The following COL23A1 variants were observed in gnomAD, a reference collection of about 807,000 sequenced individuals.
The protein encoded by COL23A1 is collagen type XXIII alpha 1 chain.
A neutral mutation model predicts 99.3 loss-of-function variants in COL23A1; 97 were observed. The ratio of observed to expected loss-of-function variants is 0.98; its 90% CI spans 0.83 to 1.16. COL23A1 has a LOEUF of 1.16. Ranked by LOEUF, COL23A1 falls within the 50% of genes most tolerant of loss-of-function variation. The pLI is 0.00. For synonymous variants in COL23A1, 320 were observed against 308.2 expected (o/e 1.04, Z -0.40); for missense variants, 762 against 757.4 (o/e 1.01, Z -0.07).
chr5:178,357,998 GTA>G (rs772040709), intron 2 of COL23A1, among the ~76,000 whole-genome samples: 1 of 146,490 alleles, frequency 6.8e-6, no homozygotes, highest in Non-Finnish European at 1.5e-5. Context: ...ATGCGTGTGT[GTA>G]TATGTATGTG....
rs184342359 is a variant in COL23A1 at position 178,485,844 on chromosome 5, A to T, written c.361+74838T>A. ...TAAGCTGAGTACAGAGTAAAACTTG[A>T]CATTAAGAAGAAAATCTGCCCCAGC... is the stretch of plus-strand genomic sequence containing the variant. On this transcript the variant is annotated intron_variant, in intron 2 of 28. Transcript: ENST00000390654. Among the ~76,000 whole-genome samples the T allele has an allele frequency of 7.9e-5, 12 of 151,110 alleles. No individual in the cohort carries two copies. The East Asian group carries it at 2.3e-3, about 29-fold the overall frequency.
intron 2 of COL23A1, among the ~76,000 whole-genome samples, chr5:178,447,084 C>A (rs1256248660): frequency 6.7e-6 from 1 of 148,572 alleles, no homozygotes; most frequent in African/African-American, 2.6e-5. Context: ...TACCTTTATT[C>A]TTTTTTTATT....
chr5:178,486,513 C>T (rs1757638372), intron 2 of COL23A1, among the ~76,000 whole-genome samples: 2 of 151,644 alleles, frequency 1.3e-5, no homozygotes, highest in Admixed American at 6.6e-5. Flanking sequence ...GGTTACTACG[C>T]TCAACGAGAA....
chr5:178,257,440 G>A (rs1765368451), intron 13 of COL23A1, 83 bp downstream of exon 13: 1 of 1,483,642 alleles, frequency 6.7e-7, no homozygotes. Flanking sequence ...GGTGCCAAAG[G>A]TCCAGGGTAG....
In COL23A1 at chr5:178,468,685, T is replaced by C. The variant is rs1025510749; in HGVS notation, c.361+91997A>G. 1.3e-5 allele frequency among the ~76,000 whole-genome samples: 2 copies of C among 152,196 alleles called. No homozygotes were observed. Among genetic ancestry groups the C allele is most frequent in the Non-Finnish European group, 2.9e-5 (2 of 68,034 alleles). Reference sequence around the variant, plus strand: ...CCTGCAGCTCTCCTCAACTGTGTTCTGGGGCACAGGACCCCACATTTAATT... The same window carrying C: ...CCTGCAGCTCTCCTCAACTGTGTTCCGGGGCACAGGACCCCACATTTAATT... On this transcript the variant is annotated intron_variant, in intron 2 of 28. Transcript: ENST00000390654. The surrounding 1 kb of genome is among the most constrained non-coding windows in gnomAD (Gnocchi z 4.2).
In COL23A1 at chr5:178,585,509, A is replaced by G. The variant is rs1251827215; in HGVS notation, c.294+4395T>C. ...CAGCCCTGGATGACGCTGGAGTAAC[A>G]CTCCACGTCCCTGGATGACGCTGGA... On this transcript the variant is annotated intron_variant, in intron 1 of 28. Coordinates refer to ENST00000390654, the MANE Select transcript of COL23A1 (RefSeq NM_173465.4). 3.1e-3 allele frequency among the ~76,000 whole-genome samples: 323 copies of G among 104,696 alleles called. 9 individuals carry two copies. Among genetic ancestry groups the G allele is most frequent in the Middle Eastern group, 0.023 (5 of 222 alleles). 68.7% of individuals were successfully genotyped at this position (104,696 alleles called of 152,430 possible).
chr5:178,359,753 AG>A (rs1422581318), intron 2 of COL23A1, among the ~76,000 whole-genome samples: 1 of 152,224 alleles, frequency 6.6e-6, no homozygotes, highest in Non-Finnish European at 1.5e-5. Context: ...CCAAGCTGGG[AG>A]GGGGCCCAGG....
At chr5:178,584,311 CACA>C (rs1243244637) in intron 1 of COL23A1, among the ~76,000 whole-genome samples, 15 of 108,058 alleles carry the variant, frequency 1.4e-4, no homozygotes, top group African/African-American at 6.4e-4. Context: ...CACCTGGCCA[CACA>C]CACACACACA....
chr5:178,333,697 G>T (rs1456590232), intron 2 of COL23A1, among the ~76,000 whole-genome samples: 1 of 152,130 alleles, frequency 6.6e-6, no homozygotes, highest in Non-Finnish European at 1.5e-5. Context: ...CCCCCAGGCC[G>T]GGCCTGGGAG....
chr5:178,578,641 T>G (rs551877938), intron 1 of COL23A1, among the ~76,000 whole-genome samples: 68 of 152,232 alleles, frequency 4.5e-4, no homozygotes, highest in Middle Eastern at 3.4e-3. Context: ...CATTACCCAT[T>G]TGCAAGCACC....
chr5:178,291,977 G>A (rs1217804368), intron 3 of COL23A1, among the ~76,000 whole-genome samples: 1 of 152,134 alleles, frequency 6.6e-6, no homozygotes, highest in Non-Finnish European at 1.5e-5. Flanking sequence ...CTCACTGTCA[G>A]CCAATGACCT....
chr5:178,498,255 T>TATATATATAAAA (rs1340447435), intron 2 of COL23A1, among the ~76,000 whole-genome samples: 1 of 70,936 alleles, frequency 1.4e-5, no homozygotes, highest in Middle Eastern at 8.5e-3. Flanking sequence ...TATATATATA[T>TATATATATAAAA]ATAAAAGAAC....
At position 178,256,901 on chromosome 5, in the gene COL23A1, C is replaced by T. The variant is rs375748408; in HGVS notation, c.802G>A (p.Gly268Arg). 6.8e-6 allele frequency: 11 copies of T among 1,613,534 alleles called. No homozygotes were observed. Among genetic ancestry groups the T allele is most frequent in the African/African-American group, 4.0e-5 (3 of 74,928 alleles). ...KGEPGSMGPR[G>R]ENGVDGAPGP... is the part of the protein sequence containing the mutation. Reference sequence around the variant, plus strand: ...GGGGCACCGTCCACACCGTTCTCTCCCCGAGGCCCCATGCTCCCTGGCTCG... The same window carrying T: ...GGGGCACCGTCCACACCGTTCTCTCTCCGAGGCCCCATGCTCCCTGGCTCG... Residue 268 changes from glycine (G) to arginine (R), a missense_variant, in exon 14 of 29, where the codon GGA becomes AGA. Coordinates refer to ENST00000390654, the MANE Select transcript of COL23A1 (RefSeq NM_173465.4).
chr5:178,491,891 C>T (rs1044549652), intron 2 of COL23A1, among the ~76,000 whole-genome samples: 66 of 152,198 alleles, frequency 4.3e-4, no homozygotes, highest in African/African-American at 1.4e-3. Flanking sequence ...CCTGCCACCA[C>T]GTCCAGCTCA....
At chr5:178,476,511 AATC>A (rs1484857707) in intron 2 of COL23A1, among the ~76,000 whole-genome samples, 1 of 152,216 alleles carries the variant, frequency 6.6e-6, no homozygotes, top group Non-Finnish European at 1.5e-5. Flanking sequence ...AATGTAACAT[AATC>A]ATGAGAGTAA....
chr5:178,438,739 A>G (rs900626663), intron 2 of COL23A1: 5 of 152,190 alleles, frequency 3.3e-5, no homozygotes, highest in African/African-American at 1.2e-4. Flanking sequence ...TTCTGGGTCT[A>G]CTTATAAAGA....
At chr5:178,333,555 T>G (rs1277227912) in intron 2 of COL23A1, among the ~76,000 whole-genome samples, 1 of 152,144 alleles carries the variant, frequency 6.6e-6, no homozygotes, top group Non-Finnish European at 1.5e-5. Flanking sequence ...CTGGTCCCAG[T>G]GATCAAGCCC....
chr5:178,363,724 C>T (rs1399709472), intron 2 of COL23A1, among the ~76,000 whole-genome samples: 1 of 152,194 alleles, frequency 6.6e-6, no homozygotes, highest in African/African-American at 2.4e-5. Flanking sequence ...GGCTGCAGGT[C>T]TGACACTGGC....
At chr5:178,430,061 TGTCCCCTGAG>T (rs1766173726) in intron 2 of COL23A1, among the ~76,000 whole-genome samples, 1 of 152,212 alleles carries the variant, frequency 6.6e-6, no homozygotes, top group Non-Finnish European at 1.5e-5. Context: ...CCAGGTACTC[TGTCCCCTGAG>T]GTGCACCTGG....
Sources: allele counts gnomAD v4.1 joint callset (sites outside exome capture counted in the v4.1 genomes callset), GRCh38; gene constraint gnomAD v4.1.1; non-coding constraint Gnocchi (gnomAD v3.1); transcripts MANE v1.5; gene names NCBI Gene and HGNC (gene_info 2026-07-23, HGNC 2026-07-21).